Variants in NCOA2 observed in about 807,000 individuals in gnomAD.
NCOA2 encodes the protein class E basic helix-loop-helix protein 75.
In NCOA2, 21 loss-of-function variants were observed where a neutral mutation model predicts 145.1. The ratio of observed to expected loss-of-function variants is 0.14; its 90% CI spans 0.10 to 0.21. NCOA2 has a LOEUF of 0.21. Among genes scored for constraint, NCOA2 ranks in the 10% least tolerant of loss-of-function variants. The pLI is 1.00. For synonymous variants in NCOA2, 619 were observed against 637.5 expected, an observed-to-expected ratio of 0.97 and a Z score of 0.44; for missense variants, 1,472 against 1,837.6, an observed-to-expected ratio of 0.80 and a Z score of 3.64.
At chr8:70,226,082 AAATT>A (rs1435839578) in intron 2 of NCOA2, among the ~76,000 whole-genome samples, 6 of 152,276 alleles carry the variant, frequency 3.9e-5, no homozygotes, top group African/African-American at 1.4e-4. Context: ...TTGGAAAGAA[AAATT>A]AATTTAAAAA....
intron 1 of NCOA2, among the ~76,000 whole-genome samples, chr8:70,307,220 C>CAAAAG: frequency 1.4e-5 from 1 of 71,642 alleles, no homozygotes; most frequent in Non-Finnish European, 3.1e-5. Flanking sequence ...CCTACATAAG[C>CAAAAG]AAAAAAAAAA....
rs566900472 is a variant in NCOA2 at position 70,282,458 on chromosome 8, G to A, written c.-20+14286C>T. ...CCCAACACTTTGGGAGGCCGAGACAGGTGGATTACTGGAGGTCAGGAGTTC... is the reference window on the plus strand; with the variant it reads ...CCCAACACTTTGGGAGGCCGAGACAAGTGGATTACTGGAGGTCAGGAGTTC... On this transcript the variant is annotated intron_variant, in intron 2 of 22. Transcript: ENST00000452400. Among the ~76,000 whole-genome samples, 183 of 152,266 alleles carry A rather than the reference G, an allele frequency of 1.2e-3. 1 individual carries two copies. Among genetic ancestry groups the A allele is most frequent in the Non-Finnish European group, 4.9e-4 (33 of 68,026 alleles).
chr8:70,140,060 A>G (rs1292324639), intron 14 of NCOA2, among the ~76,000 whole-genome samples: 1 of 152,232 alleles, frequency 6.6e-6, no homozygotes, highest in Non-Finnish European at 1.5e-5. Flanking sequence ...AATCTCAAGT[A>G]TGAGTTGTAC....
At chr8:70,230,297 T>C (rs1028488604) in intron 2 of NCOA2, among the ~76,000 whole-genome samples, 2 of 151,990 alleles carry the variant, frequency 1.3e-5, no homozygotes, top group Admixed American at 6.6e-5. Context: ...AGAAAGGAGA[T>C]TGGTGGCTGC....
intron 1 of NCOA2, among the ~76,000 whole-genome samples, chr8:70,316,277 G>A (rs2136088275): frequency 6.6e-6 from 1 of 152,288 alleles, no homozygotes; most frequent in South Asian, 2.1e-4. Flanking sequence ...GACTGAACTG[G>A]TTTATGAGGG....
chr8:70,238,442 C>T (rs1253270854), intron 2 of NCOA2, among the ~76,000 whole-genome samples: 2 of 127,698 alleles, frequency 1.6e-5, no homozygotes, highest in Non-Finnish European at 3.4e-5. Context: ...ACATGACCGA[C>T]CTCTCCAAGG....
chr8:70,201,386 C>G (rs10481243), intron 4 of NCOA2, among the ~76,000 whole-genome samples: 3,213 of 152,256 alleles, frequency 0.021, 114 homozygotes, highest in African/African-American at 0.074. Flanking sequence ...TCCAGAACTG[C>G]AGGTCAACTT....
rs1168883119 is a variant in NCOA2, at chr8:70,163,553, G to A, written c.744C>T (p.Cys248=). 6.2e-7 allele frequency: 1 copy of A among 1,613,630 alleles called. No individual in the cohort carries two copies. The highest frequency in any genetic ancestry group is 1.1e-5 in the South Asian group (1 of 91,068). Residue 248 remains cysteine (C), a synonymous_variant, in exon 8 of 23, where the codon TGC becomes TGT. Transcript: ENST00000452400. The part of the protein sequence containing the change: ...IKEEGEDLQS[C]LICVARRVPM... The stretch of plus-strand genomic sequence containing the variant: ...GAACTCTTCTTGCCACGCAAATCAA[G>A]CAGGACTGCAAATCTTAAACCACAC...
chr8:70,248,638 T>C (rs1822822557), intron 2 of NCOA2, among the ~76,000 whole-genome samples: 1 of 152,094 alleles, frequency 6.6e-6, no homozygotes, highest in Admixed American at 6.6e-5. Flanking sequence ...CTGCATATAA[T>C]CTACGCATAT....
chr8:70,448,103 T>G, the NCOA2 span, among the ~76,000 whole-genome samples: 1 of 152,202 alleles, frequency 6.6e-6, no homozygotes, highest in Non-Finnish European at 1.5e-5. Flanking sequence ...CAGACTTTTT[T>G]TTTTTCTTGG....
chr8:70,239,971 A>G (rs1821987124), intron 2 of NCOA2, among the ~76,000 whole-genome samples: 1 of 152,112 alleles, frequency 6.6e-6, no homozygotes, highest in South Asian at 2.1e-4. Context: ...TGATTCTCCA[A>G]CCTCTCCACA....
In NCOA2 at chr8:70,364,177, C is replaced by G. The variant is rs141788111; in HGVS notation, c.-77+39523G>C. ...GAAGAATATGGAGAGGAAGCATTAC[C>G]TTAGCTGTTAATCCCAACACCAAAT... On this transcript the variant is annotated intron_variant, in intron 1 of 22. Coordinates refer to ENST00000452400, the MANE Select transcript of NCOA2 (RefSeq NM_006540.4). Among the ~76,000 whole-genome samples the G allele has an allele frequency of 3.4e-3, 523 of 152,020 alleles. 4 individuals carry two copies. The highest frequency in any genetic ancestry group is 0.012 in the African/African-American group (506 of 41,460).
At chr8:70,317,142 C>T (rs7001707) in intron 1 of NCOA2, among the ~76,000 whole-genome samples, 56,950 of 152,014 alleles carry the variant, frequency 0.37, 13,032 homozygotes, top group East Asian at 0.69. Context: ...GCTATGATTG[C>T]AGAGGGTGTG....
chr8:70,159,244 T>TAGATATATATATATATATGTATATATA, intron 10 of NCOA2, among the ~76,000 whole-genome samples: 1 of 69,304 alleles, frequency 1.4e-5, no homozygotes, highest in Non-Finnish European at 2.9e-5. Flanking sequence ...ATATATATAT[T>TAGATATATATATATATATGTATATATA]TTTTTTTTTT....
chr8:70,174,685 C>T (rs1814635543), intron 5 of NCOA2, 71 bp downstream of exon 5: 2 of 1,374,652 alleles, frequency 1.5e-6, no homozygotes, highest in Admixed American at 3.4e-5. Context: ...TTATATTCAC[C>T]TGAAATTAAA....
At chr8:70,451,022 T>C in the NCOA2 span, among the ~76,000 whole-genome samples, 1 of 149,848 alleles carries the variant, frequency 6.7e-6, no homozygotes, top group Admixed American at 6.6e-5. Flanking sequence ...TCAAGAACAG[T>C]CTGGGTAACA....
At chr8:70,383,082 G>A (rs1812353922) in intron 1 of NCOA2, among the ~76,000 whole-genome samples, 1 of 152,202 alleles carries the variant, frequency 6.6e-6, no homozygotes, top group South Asian at 2.1e-4. Flanking sequence ...ACCTGAAAGG[G>A]TGAACTCTGG....
intron 2 of NCOA2, among the ~76,000 whole-genome samples, chr8:70,277,738 T>C (rs966874532): frequency 2.6e-5 from 4 of 152,196 alleles, no homozygotes; most frequent in African/African-American, 9.6e-5. Flanking sequence ...AAAAAATGAA[T>C]ACACTACAAT....
In NCOA2 at chr8:70,123,916, T is replaced by G; in HGVS notation, c.4261A>C (p.Thr1421Pro). 1 of 1,613,646 alleles carries G rather than the reference T, an allele frequency of 6.2e-7. No homozygotes were observed. Among genetic ancestry groups the G allele is most frequent in the Non-Finnish European group, 8.5e-7 (1 of 1,179,706 alleles). ...ISMTSVTSVP[T>P]SGLSSMGPEQ... is the part of the protein sequence containing the mutation. Reference sequence around the variant, plus strand: ...GGACCCATGGAGGACAGCCCTGACGTAGGCACGGAGGTCACTGAGGTCATG... The same window carrying G: ...GGACCCATGGAGGACAGCCCTGACGGAGGCACGGAGGTCACTGAGGTCATG... Residue 1421 changes from threonine to proline, a missense_variant, in exon 21 of 23, where the codon ACG (threonine) becomes CCG (proline). Thr to Pro is a conservative substitution (Grantham distance 38, BLOSUM62 -1). Around this residue, in one of 4 missense-constraint regions of NCOA2, gnomAD observed 232 missense variants for 290.6 expected, o/e 0.80. Transcript: ENST00000452400.
Sources: allele counts gnomAD v4.1 joint callset (sites outside exome capture counted in the v4.1 genomes callset), GRCh38; gene constraint gnomAD v4.1.1; regional missense constraint gnomAD v4.1.1; transcripts MANE v1.5; gene names NCBI Gene and HGNC (gene_info 2026-07-23, HGNC 2026-07-21).